Variants in ERC1 observed in about 807,000 individuals in gnomAD.
The protein encoded by ERC1 is ELKS/RAB6-interacting/CAST family member 1, also known as RAB6 interacting protein 2.
In ERC1, 56 loss-of-function variants were observed where a neutral mutation model predicts 132.0. The observed-to-expected ratio is 0.42, with a 90% confidence interval of 0.34 to 0.53. The LOEUF (loss-of-function observed/expected upper bound fraction) is 0.53. ERC1 is among the 20% of genes least tolerant of loss of function. The probability of loss-of-function intolerance (pLI) is 0.03; values close to 1 mark genes in which losing one functional copy is unlikely to be tolerated. For synonymous variants in ERC1, 478 were observed against 476.1 expected (o/e 1.00, Z -0.05); for missense variants, 1,202 against 1,349.9 (o/e 0.89, Z 1.72).
chr12:1,365,547 A>C (rs2086581128), intron 15 of ERC1, among the ~76,000 whole-genome samples: 1 of 152,198 alleles, frequency 6.6e-6, no homozygotes, highest in Admixed American at 6.5e-5. Flanking sequence ...GTCTTTGTGG[A>C]GTTTGTATTC....
chr12:1,175,492 A>G (rs1311416150), intron 8 of ERC1, among the ~76,000 whole-genome samples: 1 of 149,732 alleles, frequency 6.7e-6, no homozygotes, highest in Non-Finnish European at 1.5e-5. Flanking sequence ...AACAAAAAAC[A>G]CTCTTATTAC....
intron 2 of ERC1, among the ~76,000 whole-genome samples, chr12:1,057,585 G>GTTTT (rs59761885): frequency 2.3e-4 from 11 of 47,678 alleles, no homozygotes; most frequent in Admixed American, 6.5e-4. Context: ...GATGCGCATG[G>GTTTT]TTTTTTTTTT....
In ERC1 at chr12:1,421,207, C is replaced by T. The variant is rs1047627525; in HGVS notation, c.3024+12960C>T. On this transcript the variant is annotated intron_variant, in intron 17 of 18. Coordinates refer to ENST00000360905, the MANE Select transcript of ERC1 (RefSeq NM_178040.4). ...CTTATAGTGCTATGGAACATTAGAA[C>T]TTGTTCCTCCCATCTACCTGTGCTT... Among the ~76,000 whole-genome samples, 9 of 152,310 alleles carry T rather than the reference C, an allele frequency of 5.9e-5. No homozygotes were observed. In the East Asian group the frequency reaches 1.7e-3, roughly 29 times the overall value.
intron 12 of ERC1, among the ~76,000 whole-genome samples, chr12:1,209,971 A>G (rs889548557): frequency 3.9e-5 from 6 of 152,206 alleles, no homozygotes; most frequent in East Asian, 1.9e-4. Context: ...GAGGTTTTCT[A>G]TTGGCATGGG....
intron 1 of ERC1, chr12:1,027,371 TG>T (rs1163108076): frequency 6.6e-6 from 1 of 152,362 alleles, no homozygotes; most frequent in African/African-American, 2.4e-5. Flanking sequence ...TTATACTTCT[TG>T]TTTTTTTTTC....
At chr12:1,023,022 A>T (rs1966607912) in intron 1 of ERC1, among the ~76,000 whole-genome samples, 2 of 152,226 alleles carry the variant, frequency 1.3e-5, no homozygotes, top group Non-Finnish European at 2.9e-5. Flanking sequence ...CATGATTGTA[A>T]GCTTCTTGAG....
At chr12:1,123,421 A>G (rs907483273) in intron 7 of ERC1, among the ~76,000 whole-genome samples, 3 of 152,184 alleles carry the variant, frequency 2.0e-5, no homozygotes, top group African/African-American at 7.2e-5. Flanking sequence ...GATCAAAATG[A>G]AAATATAAAT....
intron 15 of ERC1, among the ~76,000 whole-genome samples, chr12:1,328,233 A>T (rs2082600556): frequency 6.6e-6 from 1 of 151,728 alleles, no homozygotes; most frequent in African/African-American, 2.4e-5. Flanking sequence ...TGTAACCTCA[A>T]CCTCCCAGGC....
At chr12:1,452,441 A>T (rs2093445372) in intron 18 of ERC1, among the ~76,000 whole-genome samples, 2 of 152,152 alleles carry the variant, frequency 1.3e-5, no homozygotes, top group Admixed American at 1.3e-4. Flanking sequence ...CTTGTTTGGA[A>T]TTCTCTGAGC....
rs141322677 is a variant in ERC1, at chr12:1,305,067, A to C, written c.2780+15055A>C. Among the ~76,000 whole-genome samples, 786 of 152,258 alleles carry C rather than the reference A, an allele frequency of 5.2e-3. 10 individuals carry two copies. Among genetic ancestry groups the C allele is most frequent in the African/African-American group, 0.018 (758 of 41,552 alleles). On this transcript the variant is annotated intron_variant, in intron 15 of 18. Transcript: ENST00000360905. ...AGTGCTGGGATTACAGGCGTGAGCC[A>C]CTGCTCCCGGCCTGTTTGTTGTAAC...
At chr12:1,258,043 A>G (rs61912032) in intron 13 of ERC1, among the ~76,000 whole-genome samples, 16 of 152,322 alleles carry the variant, frequency 1.1e-4, no homozygotes, top group Middle Eastern at 3.4e-3. Flanking sequence ...TGCATTGGAC[A>G]GTACAAATAG....
chr12:1,291,306 A>G (rs1433592641), intron 15 of ERC1, among the ~76,000 whole-genome samples: 2 of 152,180 alleles, frequency 1.3e-5, no homozygotes, highest in East Asian at 3.8e-4. Context: ...TAGGGGGAGA[A>G]TTAAGAGAGG....
At chr12:1,126,852 G>A (rs1315697371) in intron 7 of ERC1, among the ~76,000 whole-genome samples, 1 of 151,956 alleles carries the variant, frequency 6.6e-6, no homozygotes, top group East Asian at 1.9e-4. Context: ...GCTGGGCGTG[G>A]TGGCACGTGC....
intron 17 of ERC1, among the ~76,000 whole-genome samples, chr12:1,439,294 C>A (rs2093037290): frequency 6.6e-6 from 1 of 152,172 alleles, no homozygotes; most frequent in South Asian, 2.1e-4. Context: ...TTGAATGATA[C>A]AGGAACAACT....
chr12:1,083,710 T>G, intron 3 of ERC1, 130 bp downstream of exon 3: 1 of 695,336 alleles, frequency 1.4e-6, no homozygotes, highest in South Asian at 1.9e-5. Context: ...CCTTTGTATT[T>G]AAGTGCGTCA....
At chr12:1,130,224 C>A in intron 7 of ERC1, among the ~76,000 whole-genome samples, 1 of 152,096 alleles carries the variant, frequency 6.6e-6, no homozygotes, top group East Asian at 1.9e-4. Flanking sequence ...AATGGCCAGG[C>A]AGAGTGACTC....
At chr12:1,444,797 T>TG (rs1186371758) in intron 18 of ERC1, 47 bp downstream of exon 18, 1 of 1,583,952 alleles carries the variant, frequency 6.3e-7, no homozygotes, top group Non-Finnish European at 8.6e-7. Context: ...AAAATCCAGT[T>TG]GCTGTGTAGG....
At chr12:1,440,342 C>A (rs1268165086) in intron 17 of ERC1, among the ~76,000 whole-genome samples, 1 of 148,474 alleles carries the variant, frequency 6.7e-6, no homozygotes, top group African/African-American at 2.5e-5. Flanking sequence ...GTAGCTGGGA[C>A]TACAGACGCC....
chr12:1,199,909 ATAAC>A (rs1160386759), intron 12 of ERC1, among the ~76,000 whole-genome samples: 4 of 150,656 alleles, frequency 2.7e-5, no homozygotes, highest in African/African-American at 1.0e-4. Context: ...AACAGATTAC[ATAAC>A]TTTTTTTTTT....
Sources: gnomAD v4.1 joint callset for allele counts (sites outside exome capture counted in the v4.1 genomes callset) on GRCh38, gnomAD v4.1.1 for gene constraint, MANE v1.5 for transcripts, NCBI Gene and HGNC (gene_info 2026-07-23, HGNC 2026-07-21) for gene names.